NELL2: variants seen among roughly 807,000 people sequenced by gnomAD.
NELL2 encodes protein kinase C-binding protein NELL2.
In NELL2, 41 loss-of-function variants were observed where a neutral mutation model predicts 109.6. That is an observed-to-expected ratio of 0.37 (90% CI 0.29 to 0.49). The LOEUF (loss-of-function observed/expected upper bound fraction) is 0.49, where lower values mean the gene tolerates loss of function less well. NELL2 is among the 20% of genes least tolerant of loss of function. The pLI is 0.98. For synonymous variants in NELL2, 355 were observed against 344.7 expected, an observed-to-expected ratio of 1.03 and a Z score of -0.33; for missense variants, 900 against 1,008.3, an observed-to-expected ratio of 0.89 and a Z score of 1.45.
intron 2 of NELL2, among the ~76,000 whole-genome samples, chr12:44,854,098 C>T (rs1352977918): frequency 1.3e-5 from 2 of 152,138 alleles, no homozygotes; most frequent in African/African-American, 4.8e-5. Context: ...ATATAGGTTA[C>T]GTTCTGCTCT....
chr12:44,699,241 C>T (rs754257023), intron 12 of NELL2, among the ~76,000 whole-genome samples: 11 of 151,816 alleles, frequency 7.2e-5, no homozygotes, highest in Admixed American at 2.6e-4. Flanking sequence ...GGATGGATGG[C>T]GATGAATATA....
intron 15 of NELL2, among the ~76,000 whole-genome samples, chr12:44,552,699 C>G (rs574928665): frequency 6.6e-6 from 1 of 152,216 alleles, no homozygotes; most frequent in South Asian, 2.1e-4. Flanking sequence ...GATGTTAAGA[C>G]TGTAAGAACA....
At chr12:44,763,420 A>C (rs1394063597) in intron 9 of NELL2, among the ~76,000 whole-genome samples, 1 of 152,136 alleles carries the variant, frequency 6.6e-6, no homozygotes, top group Non-Finnish European at 1.5e-5. Flanking sequence ...TATCTACTGC[A>C]TTTTTTCCTC....
intron 1 of NELL2, 163 bp downstream of exon 1, chr12:44,875,652 C>CA: frequency 6.3e-7 from 1 of 1,577,116 alleles, no homozygotes. Context: ...CCAAGGCAAG[C>CA]ACAGAAAAAA....
intron 13 of NELL2, among the ~76,000 whole-genome samples, chr12:44,612,717 C>T (rs1025308908): frequency 2.0e-5 from 3 of 151,884 alleles, no homozygotes; most frequent in African/African-American, 7.3e-5. Flanking sequence ...ATCCCCAGTG[C>T]AATTCGAAGT....
At chr12:44,892,747 G>A (rs1166581684) in intron 1 of NELL2, among the ~76,000 whole-genome samples, 6 of 139,458 alleles carry the variant, frequency 4.3e-5, no homozygotes, top group Non-Finnish European at 9.0e-5. Context: ...GCAGTGAGCC[G>A]AGATCGCACC....
intron 3 of NELL2, among the ~76,000 whole-genome samples, chr12:44,813,927 A>C (rs1415039274): frequency 2.0e-5 from 3 of 152,236 alleles, no homozygotes; most frequent in Admixed American, 6.5e-5. Context: ...CAGGTATTTC[A>C]GTTGCCCATA....
intron 13 of NELL2, among the ~76,000 whole-genome samples, chr12:44,623,197 T>C (rs1946119700): frequency 6.6e-6 from 1 of 152,132 alleles, no homozygotes; most frequent in African/African-American, 2.4e-5. Context: ...CATAAAATAA[T>C]AGATACAACT....
chr12:44,671,182 C>G (rs1164712809), intron 12 of NELL2, among the ~76,000 whole-genome samples: 1 of 152,126 alleles, frequency 6.6e-6, no homozygotes, highest in East Asian at 1.9e-4. Context: ...CAACATGTTC[C>G]TGAGCAACCA....
chr12:44,696,065 A>C (rs1322581941), intron 12 of NELL2, among the ~76,000 whole-genome samples: 1 of 152,252 alleles, frequency 6.6e-6, no homozygotes, highest in Non-Finnish European at 1.5e-5. Flanking sequence ...ATTATTTTGT[A>C]CATAGGCTAG....
At chr12:44,805,396 T>C (rs1397851835) in intron 3 of NELL2, among the ~76,000 whole-genome samples, 1 of 151,770 alleles carries the variant, frequency 6.6e-6, no homozygotes, top group Non-Finnish European at 1.5e-5. Context: ...AATCAACAAA[T>C]AGGTTAGTAG....
chr12:44,695,601 G>C (rs1304874708), intron 12 of NELL2, among the ~76,000 whole-genome samples: 1 of 151,564 alleles, frequency 6.6e-6, no homozygotes, highest in Non-Finnish European at 1.5e-5. Context: ...TTAATTAAAA[G>C]TGGTAAAGAG....
chr12:44,738,416 T>C (rs943503336), intron 9 of NELL2, among the ~76,000 whole-genome samples: 4 of 152,006 alleles, frequency 2.6e-5, no homozygotes, highest in Non-Finnish European at 4.4e-5. Flanking sequence ...TAAGTGTCTG[T>C]TGACAGATAA....
At chr12:44,908,632 A>C (rs561547379) in intron 1 of NELL2, among the ~76,000 whole-genome samples, 152 of 152,118 alleles carry the variant, frequency 1.0e-3, no homozygotes, top group Non-Finnish European at 1.8e-3. Flanking sequence ...ATTATGGCAG[A>C]AGTAGTGTTG....
chr12:44,655,479 C>T (rs1947465196), intron 13 of NELL2, among the ~76,000 whole-genome samples: 1 of 152,200 alleles, frequency 6.6e-6, no homozygotes, highest in Non-Finnish European at 1.5e-5. Flanking sequence ...AGGCTTTGAG[C>T]CTGTTCCATT....
chr12:44,904,583 G>A (rs555793117), intron 1 of NELL2, among the ~76,000 whole-genome samples: 1 of 152,156 alleles, frequency 6.6e-6, no homozygotes. Context: ...AAAAAGAAAG[G>A]CCTTCCTCTT....
At chr12:44,601,785 T>C (rs563792220) in intron 15 of NELL2, among the ~76,000 whole-genome samples, 87 of 152,312 alleles carry the variant, frequency 5.7e-4, no homozygotes, top group Admixed American at 4.6e-3. Flanking sequence ...TAGATATTAC[T>C]ATCATCTTTA....
In NELL2 at chr12:44,791,097, GTA is replaced by G. The variant is rs371450408; in HGVS notation, c.336-11077_336-11076del. The stretch of plus-strand genomic sequence containing the variant: ...TATATATATACATATATATATATAT[GTA>G]TATATATATGTATATATATATGTAT... On this transcript the variant is annotated intron_variant, in intron 3 of 19. Transcript: ENST00000429094. Among the ~76,000 whole-genome samples the G allele has an allele frequency of 4.0e-3, 154 of 38,496 alleles. 14 individuals carry two copies. The Middle Eastern group carries it at 0.065, about 16-fold the overall frequency. The allele number at this position is 38,496 out of a possible 152,430, so 25.3% of individuals were successfully genotyped here.
chr12:44,607,983 A>G (rs1849155046), intron 14 of NELL2, among the ~76,000 whole-genome samples: 1 of 152,116 alleles, frequency 6.6e-6, no homozygotes, highest in African/African-American at 2.4e-5. Flanking sequence ...ATCTCTTGAA[A>G]TGTGCTGTCT....
Sources: gnomAD v4.1 joint callset for allele counts (sites outside exome capture counted in the v4.1 genomes callset) on GRCh38, gnomAD v4.1.1 for gene constraint, MANE v1.5 for transcripts, NCBI Gene and HGNC (gene_info 2026-07-23, HGNC 2026-07-21) for gene names.